Variants in ACYP2 observed in about 807,000 individuals in gnomAD.
ACYP2 encodes acylphosphatase 2.
In ACYP2, 12 loss-of-function variants were observed where a neutral mutation model predicts 11.2. That is an observed-to-expected ratio of 1.08 (90% CI 0.69 to 1.74). The LOEUF (loss-of-function observed/expected upper bound fraction) is 1.74. ACYP2 is among the 40% of genes most tolerant of loss of function. The pLI, the probability that ACYP2 is intolerant of heterozygous loss-of-function variation, is 0.00. For missense variants in ACYP2, 134 were observed against 101.9 expected (o/e 1.31, Z -1.35); for synonymous variants, 43 against 32.2 (o/e 1.33, Z -1.13).
intron 2 of ACYP2, among the ~76,000 whole-genome samples, chr2:53,994,329 C>CAAAAAAAAA (rs374302355): frequency 2.8e-4 from 12 of 42,866 alleles, no homozygotes; most frequent in Admixed American, 7.9e-4. Flanking sequence ...GACTCCGTCT[C>CAAAAAAAAA]AAAAAAAAAA....
chr2:54,040,494 G>A (rs1222551984), intron 2 of ACYP2, among the ~76,000 whole-genome samples: 1 of 152,104 alleles, frequency 6.6e-6, no homozygotes, highest in Non-Finnish European at 1.5e-5. Flanking sequence ...AAATGAGTCA[G>A]TGAAGATGGA....
chr2:54,020,560 A>C (rs1365138671), intron 2 of ACYP2, among the ~76,000 whole-genome samples: 2 of 152,234 alleles, frequency 1.3e-5, no homozygotes, highest in African/African-American at 4.8e-5. Flanking sequence ...CTGTGGGCCA[A>C]ATACCCACAA....
At position 54,122,477 on chromosome 2, in the gene ACYP2, T is replaced by C. The variant is rs558738938; in HGVS notation, c.278-12976T>C. ...GTCTGTAAAAAACCTGCATGTGTCA[T>C]ATCAGCTTTCCTTCTCTTCAGCAAG... On this transcript the variant is annotated intron_variant, in intron 4 of 6. Transcript: ENST00000607452. 1.4e-4 allele frequency among the ~76,000 whole-genome samples: 21 copies of C among 152,282 alleles called. No homozygotes were observed. In the South Asian group the frequency reaches 1.9e-3, roughly 14 times the overall value.
At chr2:54,241,970 C>T (rs1031517966) in intron 6 of ACYP2, among the ~76,000 whole-genome samples, 2 of 152,066 alleles carry the variant, frequency 1.3e-5, no homozygotes, top group Non-Finnish European at 2.9e-5. Context: ...GCCAAGATCA[C>T]GCCATTGCAC....
At chr2:54,247,744 A>C (rs1687025349) in intron 6 of ACYP2, among the ~76,000 whole-genome samples, 2 of 152,226 alleles carry the variant, frequency 1.3e-5, no homozygotes, top group African/African-American at 4.8e-5. Flanking sequence ...TATTTTCATA[A>C]TGTTCTACTG....
chr2:54,020,653 A>C (rs908149409), intron 2 of ACYP2, among the ~76,000 whole-genome samples: 2 of 152,244 alleles, frequency 1.3e-5, no homozygotes, highest in African/African-American at 4.8e-5. Context: ...TTGTGACAGC[A>C]GTGTTGATTA....
At chr2:54,257,843 A>T (rs1251542916) in intron 6 of ACYP2, among the ~76,000 whole-genome samples, 1 of 152,240 alleles carries the variant, frequency 6.6e-6, no homozygotes, top group Non-Finnish European at 1.5e-5. Context: ...GCAATAGAAA[A>T]TCTAAATAGA....
chr2:54,118,674 A>C (rs1157464147), intron 4 of ACYP2, among the ~76,000 whole-genome samples: 1 of 152,248 alleles, frequency 6.6e-6, no homozygotes, highest in Non-Finnish European at 1.5e-5. Flanking sequence ...ATCAATTTGG[A>C]CCAGCAGTAA....
At chr2:54,255,995 G>T in intron 6 of ACYP2, 1 of 1,614,118 alleles carries the variant, frequency 6.2e-7, no homozygotes, top group Non-Finnish European at 8.5e-7. Flanking sequence ...TCTGGAAGCC[G>T]GGGCGGTGGG....
At chr2:54,143,733 GTTTTTTTT>G (rs545149069) in intron 6 of ACYP2, among the ~76,000 whole-genome samples, 784 of 76,702 alleles carry the variant, frequency 0.01, 21 homozygotes, top group African/African-American at 0.045. Flanking sequence ...TACCCAGCCG[GTTTTTTTT>G]TTTTTTTTTT....
intron 4 of ACYP2, among the ~76,000 whole-genome samples, chr2:54,090,917 C>T (rs1221227121): frequency 1.3e-5 from 2 of 152,168 alleles, no homozygotes. Flanking sequence ...ATTTTACCAT[C>T]TACATGTTGG....
At chr2:54,136,796 T>C (rs1681270200) in intron 5 of ACYP2, among the ~76,000 whole-genome samples, 2 of 152,102 alleles carry the variant, frequency 1.3e-5, no homozygotes, top group South Asian at 4.1e-4. Flanking sequence ...GCCATCATAG[T>C]GAAACCCCAT....
chr2:54,065,624 C>T (rs1676704926), intron 4 of ACYP2: 3 of 397,428 alleles, frequency 7.5e-6, no homozygotes, highest in Non-Finnish European at 8.9e-6. Context: ...AGTGGAAAGC[C>T]ATTTTAGAGA....
At chr2:54,028,470 G>T (rs1339212945) in intron 2 of ACYP2, among the ~76,000 whole-genome samples, 3 of 152,110 alleles carry the variant, frequency 2.0e-5, no homozygotes, top group Non-Finnish European at 4.4e-5. Context: ...GTAAACATGG[G>T]ATGATGTTCT....
At chr2:54,111,075 A>G (rs1415257998) in intron 4 of ACYP2, among the ~76,000 whole-genome samples, 1 of 152,026 alleles carries the variant, frequency 6.6e-6, no homozygotes, top group East Asian at 1.9e-4. Flanking sequence ...GCTGGGGGCT[A>G]GTCTCTTTCA....
rs1676281058 is a variant in ACYP2, at chr2:54,058,487, T to C, written c.277+1127T>C. ...ACACACATATTTCCCTCTCCTGTCA[T>C]TCTAATATAATTCTAACTTCATTTC... On this transcript the variant is annotated intron_variant, in intron 4 of 6. Coordinates refer to ENST00000607452, the MANE Select transcript of ACYP2 (RefSeq NM_001320586.2). Among the ~76,000 whole-genome samples the C allele has an allele frequency of 2.0e-5, 3 of 152,142 alleles. No homozygotes were observed. In the South Asian group the frequency reaches 6.2e-4, roughly 31 times the overall value.
intron 4 of ACYP2, among the ~76,000 whole-genome samples, chr2:54,128,274 A>G (rs1680663276): frequency 6.6e-6 from 1 of 152,218 alleles, no homozygotes; most frequent in Non-Finnish European, 1.5e-5. Flanking sequence ...CAGATCCCTG[A>G]TCAAGAATAG....
intron 2 of ACYP2, among the ~76,000 whole-genome samples, chr2:53,980,875 C>A (rs997949213): frequency 6.6e-6 from 1 of 152,100 alleles, no homozygotes; most frequent in African/African-American, 2.4e-5. Flanking sequence ...ACCTCAGCCT[C>A]CCGAGTAGCT....
intron 6 of ACYP2, among the ~76,000 whole-genome samples, chr2:54,250,850 T>G (rs74359642): frequency 0.013 from 1,978 of 152,338 alleles, 19 homozygotes; most frequent in Non-Finnish European, 0.022. Flanking sequence ...ACTGTAATTG[T>G]CTATAGCATA....
Sources: gnomAD v4.1 joint callset for allele counts (sites outside exome capture counted in the v4.1 genomes callset) on GRCh38, gnomAD v4.1.1 for gene constraint, MANE v1.5 for transcripts, NCBI Gene and HGNC (gene_info 2026-07-23, HGNC 2026-07-21) for gene names.